The following HDAC4 variants were observed in gnomAD, a reference collection of about 807,000 sequenced individuals.
The protein encoded by HDAC4 is histone deacetylase 4.
In HDAC4, 16 loss-of-function variants were observed where a neutral mutation model predicts 135.1. That is an observed-to-expected ratio of 0.12 (90% CI 0.08 to 0.18). HDAC4 has a LOEUF of 0.18. Ranked by LOEUF, HDAC4 falls within the 10% of genes least tolerant of loss-of-function variation. The pLI is 1.00. For synonymous variants in HDAC4, 685 were observed against 653.4 expected (o/e 1.05, Z -0.74); for missense variants, 1,143 against 1,511.8 (o/e 0.76, Z 4.05).
In HDAC4 at chr2:239,207,715, G is replaced by C. The variant is rs112360682; in HGVS notation, c.95-17638C>G. 4.7e-3 allele frequency among the ~76,000 whole-genome samples: 720 copies of C among 152,274 alleles called. 2 individuals are homozygous for C. Among genetic ancestry groups the C allele is most frequent in the Middle Eastern group, 0.014 (4 of 294 alleles). On this transcript the variant is annotated intron_variant, in intron 3 of 26. Transcript: ENST00000543185. ...TAACCCTATAATCATGAACTAAATT[G>C]AATTAATACTTTAAAATCTTTTCAC...
At chr2:239,060,280 A>ATG (rs1559351357) in intron 24 of HDAC4, among the ~76,000 whole-genome samples, 1 of 152,186 alleles carries the variant, frequency 6.6e-6, no homozygotes, top group African/African-American at 2.4e-5. Flanking sequence ...GCTGCACAGA[A>ATG]TGTGTGTGTG....
intron 2 of HDAC4, among the ~76,000 whole-genome samples, chr2:239,243,686 GTGT>G (rs1559276368): frequency 6.6e-6 from 1 of 152,156 alleles, no homozygotes; most frequent in African/African-American, 2.4e-5. Context: ...TCAAACAAAG[GTGT>G]TGTTTTAGAA....
intron 4 of HDAC4, among the ~76,000 whole-genome samples, chr2:239,180,937 C>A (rs2044111819): frequency 6.6e-6 from 1 of 152,248 alleles, no homozygotes; most frequent in Non-Finnish European, 1.5e-5. Context: ...CCACAGCCAG[C>A]CTCCCCGTCC....
At position 239,072,418 on chromosome 2, in the gene HDAC4, G is replaced by A. The variant is rs185526217; in HGVS notation, c.2751-3811C>T. ...GTCCCCTCACCAAGCCCTTGTGTGA[G>A]TAGGTCCATGTTTTAGGGTTTCACC... is the stretch of plus-strand genomic sequence containing the variant. On this transcript the variant is annotated intron_variant, in intron 22 of 26. Transcript: ENST00000543185. 8.7e-4 allele frequency among the ~76,000 whole-genome samples: 133 copies of A among 152,332 alleles called. 1 individual carries two copies. The highest frequency in any genetic ancestry group is 3.1e-3 in the African/African-American group (129 of 41,574).
intron 22 of HDAC4, among the ~76,000 whole-genome samples, chr2:239,077,809 GCAGCAACA>G (rs887272374): frequency 5.3e-5 from 8 of 152,186 alleles, no homozygotes; most frequent in Non-Finnish European, 1.2e-4. Flanking sequence ...GGCAGCAACA[GCAGCAACA>G]CAGCAACACA....
intron 2 of HDAC4, among the ~76,000 whole-genome samples, chr2:239,350,823 G>GATAC (rs1693098149): frequency 6.6e-6 from 1 of 152,088 alleles, no homozygotes; most frequent in Non-Finnish European, 1.5e-5. Context: ...ATACAATATT[G>GATAC]ATACATACAT....
At chr2:239,111,201 G>A (rs2038639408) in intron 14 of HDAC4, among the ~76,000 whole-genome samples, 1 of 152,244 alleles carries the variant, frequency 6.6e-6, no homozygotes, top group South Asian at 2.1e-4. Flanking sequence ...CATGATTCCT[G>A]AGCCGGACCA....
At chr2:239,367,903 G>A (rs1694325681) in intron 1 of HDAC4, among the ~76,000 whole-genome samples, 1 of 151,950 alleles carries the variant, frequency 6.6e-6, no homozygotes, top group African/African-American at 2.4e-5. Context: ...GCTTAAACCT[G>A]GGAGGCGGAG....
chr2:239,185,409 G>A (rs11681247), intron 4 of HDAC4, among the ~76,000 whole-genome samples: 41,013 of 150,838 alleles, frequency 0.27, 6,060 homozygotes, highest in East Asian at 0.47. Flanking sequence ...CTGGGGAGAG[G>A]TGTACCCTAA....
chr2:239,085,501 A>G (rs766123144), intron 19 of HDAC4, among the ~76,000 whole-genome samples: 12 of 152,230 alleles, frequency 7.9e-5, no homozygotes, highest in Non-Finnish European at 1.2e-4. Flanking sequence ...AGCTGCAACA[A>G]AACACAATTC....
At chr2:239,152,601 G>A (rs1281574710) in intron 7 of HDAC4, among the ~76,000 whole-genome samples, 3 of 152,246 alleles carry the variant, frequency 2.0e-5, no homozygotes, top group African/African-American at 7.2e-5. Flanking sequence ...ATGGCACTCA[G>A]GTGAAGGCAA....
At chr2:239,258,823 G>A (rs1575545269) in intron 2 of HDAC4, among the ~76,000 whole-genome samples, 2 of 152,216 alleles carry the variant, frequency 1.3e-5, no homozygotes, top group Non-Finnish European at 2.9e-5. Context: ...AGGCAATCAT[G>A]TTCAATGTAA....
intron 2 of HDAC4, among the ~76,000 whole-genome samples, chr2:239,284,745 C>CTTCT (rs2051036973): frequency 6.6e-6 from 1 of 152,138 alleles, no homozygotes; most frequent in African/African-American, 2.4e-5. Context: ...GCCAGAGGCC[C>CTTCT]TTCCACTCTC....
chr2:239,248,375 G>A (rs1211358579), intron 2 of HDAC4, among the ~76,000 whole-genome samples: 1 of 152,010 alleles, frequency 6.6e-6, no homozygotes, highest in African/African-American at 2.4e-5. Flanking sequence ...TAGGGATGGG[G>A]TTTCACCGTG....
chr2:239,179,775 T>A (rs1005297142), intron 4 of HDAC4, among the ~76,000 whole-genome samples: 1 of 152,154 alleles, frequency 6.6e-6, no homozygotes, highest in African/African-American at 2.4e-5. Flanking sequence ...GATGGGGGGC[T>A]GGGTCCCTGA....
chr2:239,298,083 G>T, intron 2 of HDAC4: 1 of 668,044 alleles, frequency 1.5e-6, no homozygotes, highest in Non-Finnish European at 2.4e-6. Flanking sequence ...GGTCTTTAGG[G>T]TTGCTAAAAT....
chr2:239,154,013 A>T (rs1288518446), intron 7 of HDAC4, among the ~76,000 whole-genome samples: 1 of 152,214 alleles, frequency 6.6e-6, no homozygotes, highest in Admixed American at 6.5e-5. Flanking sequence ...GCTGATCCCC[A>T]GGTAGTGCTG....
In HDAC4 at chr2:239,190,029, G is replaced by C. The variant is rs747240051; in HGVS notation, c.143C>G (p.Pro48Arg). The C allele has an allele frequency of 1.7e-5, 27 of 1,604,382 alleles. No homozygotes were observed. The highest frequency in any genetic ancestry group is 2.3e-5 in the Non-Finnish European group (27 of 1,179,782). Residue 48 changes from proline (P) to arginine (R), a missense_variant, in exon 4 of 27, where the codon CCC becomes CGC. Physicochemically the swap from Pro to Arg is moderately radical, Grantham distance 103. This residue lies in a region of HDAC4 where 247 missense variants were observed against 310.0 expected (regional missense o/e 0.80). Transcript: ENST00000543185. ...LPLQVAPSAV[P>R]MDLRLDHQFS... ...CTGGTGGTCCAGGCGCAGGTCCATG[G>C]GCACTGCCGAGGGGGCCACTTGCAG...
chr2:239,371,901 C>T (rs936653466), intron 1 of HDAC4, among the ~76,000 whole-genome samples: 2 of 152,220 alleles, frequency 1.3e-5, no homozygotes, highest in African/African-American at 4.8e-5. Context: ...CAGTGAAGAG[C>T]CCGTGGAGGG....
Sources: allele counts gnomAD v4.1 joint callset (sites outside exome capture counted in the v4.1 genomes callset), GRCh38; gene constraint gnomAD v4.1.1; regional missense constraint gnomAD v4.1.1; transcripts MANE v1.5; gene names NCBI Gene and HGNC (gene_info 2026-07-23, HGNC 2026-07-21).